Variants in TTC39B observed in about 807,000 individuals in gnomAD.
TTC39B encodes tetratricopeptide repeat domain 39B.
TTC39B carries 92 observed loss-of-function variants against 96.6 expected under a neutral mutation model. That is an observed-to-expected ratio of 0.95 (90% CI 0.80 to 1.13). TTC39B has a LOEUF of 1.13. Ranked by LOEUF, TTC39B falls within the 50% of genes most tolerant of loss-of-function variation. The pLI, the probability that TTC39B is intolerant of heterozygous loss-of-function variation, is 0.00. For missense variants in TTC39B, 955 were observed against 809.3 expected, an observed-to-expected ratio of 1.18 and a Z score of -2.18; for synonymous variants, 367 against 299.4, an observed-to-expected ratio of 1.23 and a Z score of -2.33.
intron 10 of TTC39B, 142 bp downstream of exon 10, chr9:15,191,048 G>C (rs1818829089): frequency 3.0e-6 from 2 of 664,894 alleles, no homozygotes; most frequent in Non-Finnish European, 5.3e-6. Context: ...ACATGATCAA[G>C]AATCAAAGGC....
chr9:15,193,780 T>C (rs1303802120), intron 8 of TTC39B, among the ~76,000 whole-genome samples: 1 of 152,238 alleles, frequency 6.6e-6, no homozygotes. Context: ...ATTTTTGCCA[T>C]AGAGTCATAA....
chr9:15,166,345 T>C (rs1393588066), exon 20 of TTC39B: 1 of 152,222 alleles, frequency 6.6e-6, no homozygotes, highest in African/African-American at 2.4e-5. Context: ...GGGTACATTG[T>C]AAGCAGAAGG....
intron 2 of TTC39B, among the ~76,000 whole-genome samples, chr9:15,257,365 G>A (rs1213064123): frequency 6.6e-6 from 1 of 152,130 alleles, no homozygotes; most frequent in Non-Finnish European, 1.5e-5. Context: ...GCCTTGAGTT[G>A]ACAACTATAG....
intron 17 of TTC39B, among the ~76,000 whole-genome samples, chr9:15,179,711 G>A (rs1818145832): frequency 6.6e-6 from 1 of 152,106 alleles, no homozygotes; most frequent in African/African-American, 2.4e-5. Context: ...ATTCTACTGA[G>A]TTTCCTGTAG....
chr9:15,204,598 A>G (rs1424208659), intron 6 of TTC39B, among the ~76,000 whole-genome samples: 1 of 152,202 alleles, frequency 6.6e-6, no homozygotes, highest in Non-Finnish European at 1.5e-5. Context: ...AAATGTATGA[A>G]TGCTAGCTTC....
chr9:15,191,633 C>T (rs1207185769), intron 9 of TTC39B, among the ~76,000 whole-genome samples: 1 of 151,912 alleles, frequency 6.6e-6, no homozygotes, highest in Non-Finnish European at 1.5e-5. Context: ...TAGACACCAC[C>T]CAGAAGTGGA....
intron 1 of TTC39B, among the ~76,000 whole-genome samples, chr9:15,271,717 G>A (rs1295852951): frequency 6.6e-6 from 1 of 152,070 alleles, no homozygotes; most frequent in Non-Finnish European, 1.5e-5. Context: ...CCTGCTTTAA[G>A]GTATTACCCA....
chr9:15,218,635 A>AAAAAAAAAAAAAAT (rs374054306), intron 3 of TTC39B, among the ~76,000 whole-genome samples: 98 of 149,528 alleles, frequency 6.6e-4, no homozygotes, highest in African/African-American at 2.4e-3. Context: ...GTCTATTTTA[A>AAAAAAAAAAAAAAT]ATATATATAT....
intron 1 of TTC39B, among the ~76,000 whole-genome samples, chr9:15,283,110 G>A (rs1823829400): frequency 6.6e-6 from 1 of 151,932 alleles, no homozygotes; most frequent in Admixed American, 6.5e-5. Flanking sequence ...CAAGCGCCAC[G>A]CCTACCCACA....
At chr9:15,267,850 CT>C in intron 2 of TTC39B, 63 bp downstream of exon 2, 1 of 1,436,840 alleles carries the variant, frequency 7.0e-7, no homozygotes, top group African/African-American at 1.4e-5. Flanking sequence ...GAAATATTTA[CT>C]TTTTATGTAA....
At position 15,179,792 on chromosome 9, in the gene TTC39B, A is replaced by C. The variant is rs539697595; in HGVS notation, c.1724-1978T>G. Among the ~76,000 whole-genome samples the C allele has an allele frequency of 3.3e-5, 5 of 152,326 alleles. No homozygotes were observed. The South Asian group carries it at 1.0e-3, about 32-fold the overall frequency. On this transcript the variant is annotated intron_variant, in intron 17 of 19. Transcript: ENST00000512701. ...GAATGATGATTTTGTTGAGGAACAG[A>C]CGTAACATCATGGGAAGTTAAAATA...
At chr9:15,256,324 A>G (rs1822750605) in intron 2 of TTC39B, among the ~76,000 whole-genome samples, 1 of 152,226 alleles carries the variant, frequency 6.6e-6, no homozygotes, top group African/African-American at 2.4e-5. Context: ...CTTGCGGCCT[A>G]CAAAGCAGTG....
intron 6 of TTC39B, among the ~76,000 whole-genome samples, chr9:15,205,214 G>A (rs75270955): frequency 1.1e-4 from 17 of 152,312 alleles, no homozygotes; most frequent in Admixed American, 9.8e-4. Context: ...TGCTAACTAC[G>A]TGCACTGAGA....
At chr9:15,242,705 C>T (rs988859029) in intron 2 of TTC39B, among the ~76,000 whole-genome samples, 2 of 152,128 alleles carry the variant, frequency 1.3e-5, no homozygotes, top group African/African-American at 4.8e-5. Context: ...GGAGCAAAAT[C>T]CTATTCTCAA....
Position 15,175,457 on chromosome 9 carries a change from A to G in TTC39B, c.1842-322T>C, listed in dbSNP as rs182974342. On this transcript the variant is annotated intron_variant, in intron 18 of 19. Coordinates refer to ENST00000512701, the Ensembl canonical transcript of TTC39B. ...CTTTCTGAACACAAATGTGTTCAGA[A>G]AATGACTCCATTTAGAAATAAGAAA... 2.2e-4 allele frequency among the ~76,000 whole-genome samples: 33 copies of G among 152,316 alleles called. No homozygotes were observed. The East Asian group carries it at 6.2e-3, about 29-fold the overall frequency.
chr9:15,226,741 C>T (rs1353653405), intron 2 of TTC39B, among the ~76,000 whole-genome samples: 1 of 152,142 alleles, frequency 6.6e-6, no homozygotes, highest in Non-Finnish European at 1.5e-5. Flanking sequence ...GCAGAATCTT[C>T]GGCCAGTTTG....
At chr9:15,200,027 CA>C (rs934564807) in intron 7 of TTC39B, 102 bp from the exon 8 acceptor site, 311 of 594,036 alleles carry the variant, frequency 5.2e-4, no homozygotes, top group Non-Finnish European at 7.1e-4. Flanking sequence ...AACAAACAAA[CA>C]AAAAAAAGTA....
In TTC39B at chr9:15,203,810, A is replaced by G. The variant is rs1819683921; in HGVS notation, c.759+13T>C. 1 of 1,607,718 alleles carries G rather than the reference A, an allele frequency of 6.2e-7. No individual in the cohort carries two copies. The highest frequency in any genetic ancestry group is 1.7e-5 in the Admixed American group (1 of 59,354). ...TCCCAGCCAATACGAATTCCAAGCCAAATATTCATTACCTGCACAAACGTG... is the reference window on the plus strand; with the variant it reads ...TCCCAGCCAATACGAATTCCAAGCCGAATATTCATTACCTGCACAAACGTG... On this transcript the variant is annotated intron_variant, in intron 7 of 19. Coordinates refer to ENST00000512701, the Ensembl canonical transcript of TTC39B.
At chr9:15,235,944 G>A (rs772074037) in intron 2 of TTC39B, among the ~76,000 whole-genome samples, 1 of 152,010 alleles carries the variant, frequency 6.6e-6, no homozygotes, top group Non-Finnish European at 1.5e-5. Flanking sequence ...ACTATGACAG[G>A]AATAAAACCT....
Sources: gnomAD v4.1 joint callset for allele counts (sites outside exome capture counted in the v4.1 genomes callset) on GRCh38, gnomAD v4.1.1 for gene constraint, MANE v1.5 for transcripts, NCBI Gene and HGNC (gene_info 2026-07-23, HGNC 2026-07-21) for gene names.